ANKRD11: variants seen among roughly 807,000 people sequenced by gnomAD.
ANKRD11 encodes ankyrin repeat domain-containing protein 11.
Under a neutral mutation model 195.7 loss-of-function variants are expected in ANKRD11, and 17 were observed. That is an observed-to-expected ratio of 0.09 (90% CI 0.06 to 0.13). The LOEUF is 0.13. Ranked by LOEUF, ANKRD11 falls within the 10% of genes least tolerant of loss-of-function variation. The pLI, the probability that ANKRD11 is intolerant of heterozygous loss-of-function variation, is 1.00. For synonymous variants in ANKRD11, 1,953 were observed against 1,528.1 expected, an observed-to-expected ratio of 1.28 and a Z score of -6.49; for missense variants, 3,735 against 3,566.1, an observed-to-expected ratio of 1.05 and a Z score of -1.21.
chr16:89,479,390 A>AGGG (rs2057365133), intron 1 of ANKRD11, among the ~76,000 whole-genome samples: 1 of 149,924 alleles, frequency 6.7e-6, no homozygotes, highest in Admixed American at 6.6e-5. Flanking sequence ...CCCAGCACTT[A>AGGG]AGGAGGCCGA....
At chr16:89,355,906 C>A (rs1449692272) in intron 2 of ANKRD11, among the ~76,000 whole-genome samples, 2 of 152,152 alleles carry the variant, frequency 1.3e-5, no homozygotes, top group African/African-American at 4.8e-5. Flanking sequence ...CCCCCCAGCA[C>A]AGCTCGGGAG....
In ANKRD11 at chr16:89,305,230, C is replaced by T; in HGVS notation, c.202G>A (p.Gly68Arg). The T allele has an allele frequency of 6.2e-7, 1 of 1,613,598 alleles. No homozygotes were observed. The highest frequency in any genetic ancestry group is 8.5e-7 in the Non-Finnish European group (1 of 1,179,896). The change falls in exon 4 of 13, where the codon GGG becomes AGG. Residue 68 changes from glycine to arginine, a missense_variant. Transcript: ENST00000301030. ...RKLPFTAGAN[G>R]EQKDSDTEKQ... ...CCTGTGTCCGAGTCCTTCTGCTCCC[C>T]ATTGGCGCCCGCGGTGAAGGGCAGC... is the stretch of plus-strand genomic sequence containing the variant.
intron 2 of ANKRD11, chr16:89,320,277 G>A (rs893551340): frequency 1.3e-5 from 2 of 152,234 alleles, no homozygotes; most frequent in African/African-American, 4.8e-5. Context: ...TCTCACTCCC[G>A]GGGGAGACTC....
At position 89,372,995 on chromosome 16, in the gene ANKRD11, C is replaced by A. The variant is rs1399414928; in HGVS notation, c.-60+45289G>T. 2.0e-5 allele frequency: 3 copies of A among 152,246 alleles called. No individual in the cohort carries two copies. In the East Asian group the frequency reaches 5.8e-4, roughly 29 times the overall value. The allele number at this position is 152,246 out of a possible 1,614,324, so 9.4% of individuals were successfully genotyped here. A position where few individuals can be genotyped will look rare whatever the true frequency, so the allele number is the denominator to read the frequency against. ...ACCTACATACACCCCGAGGAAGGCA[C>A]AGCACCCACAGTACGTGCGTTCACT... On this transcript the variant is annotated intron_variant, in intron 2 of 12. Transcript: ENST00000301030.
chr16:89,418,003 G>A (rs2042373380), intron 2 of ANKRD11, among the ~76,000 whole-genome samples: 1 of 152,178 alleles, frequency 6.6e-6, no homozygotes, highest in African/African-American at 2.4e-5. Context: ...GAGGACAAGA[G>A]GAAATAAACT....
intron 1 of ANKRD11, among the ~76,000 whole-genome samples, chr16:89,425,785 C>T (rs2042693227): frequency 6.6e-6 from 1 of 152,106 alleles, no homozygotes; most frequent in African/African-American, 2.4e-5. Flanking sequence ...GGAATAAAGG[C>T]AACTACGCAA....
intron 2 of ANKRD11, among the ~76,000 whole-genome samples, chr16:89,356,780 C>CA (rs58470031): frequency 0.6 from 61,697 of 103,544 alleles, 16,553 homozygotes; most frequent in Middle Eastern, 0.69. Context: ...GACTCCGTCT[C>CA]AAAAAAAAAA....
At chr16:89,349,934 G>A (rs953489994) in intron 2 of ANKRD11, among the ~76,000 whole-genome samples, 2 of 146,124 alleles carry the variant, frequency 1.4e-5, no homozygotes, top group Admixed American at 1.4e-4. Flanking sequence ...CAAATAGCTG[G>A]TAAAGGACCT....
At chr16:89,489,962 C>A (rs1408685371) in intron 1 of ANKRD11, among the ~76,000 whole-genome samples, 1 of 147,394 alleles carries the variant, frequency 6.8e-6, no homozygotes, top group Non-Finnish European at 1.5e-5. Context: ...CCTCCCAGGC[C>A]CCCCCCGGAG....
intron 7 of ANKRD11, chr16:89,288,237 T>C: frequency 3.3e-6 from 2 of 614,854 alleles, no homozygotes; most frequent in Non-Finnish European, 2.9e-6. Flanking sequence ...CTCCTTCCAC[T>C]TGGTGTAATC....
At position 89,280,412 on chromosome 16, in the gene ANKRD11, C is replaced by T. The variant is rs372141194; in HGVS notation, c.6130G>A (p.Val2044Ile). ...LEDVKDGVDA[V>I]PAAISTSEAA... is the part of the protein sequence containing the mutation. ...TCTGAGGTGGAGATGGCGGCGGGGA[C>T]GGCGTCCACTCCGTCCTTGACGTCC... Residue 2044 changes from valine to isoleucine, a missense_variant, in exon 9 of 13, where the codon GTC (valine) becomes ATC (isoleucine). Physicochemically the swap from Val to Ile is conservative, Grantham distance 29. Coordinates refer to ENST00000301030, the MANE Select transcript of ANKRD11 (RefSeq NM_013275.6). The T allele has an allele frequency of 9.7e-5, 152 of 1,562,604 alleles. No homozygotes were observed. Among genetic ancestry groups the T allele is most frequent in the Non-Finnish European group, 1.2e-4 (138 of 1,154,464 alleles).
intron 2 of ANKRD11, among the ~76,000 whole-genome samples, chr16:89,321,819 C>T (rs190793960): frequency 1.1e-4 from 16 of 152,252 alleles, no homozygotes; most frequent in Admixed American, 7.2e-4. Context: ...TTCACTTACA[C>T]GCAGATTTTC....
At chr16:89,386,483 T>C (rs138378573) in intron 2 of ANKRD11, among the ~76,000 whole-genome samples, 239 of 152,242 alleles carry the variant, frequency 1.6e-3, no homozygotes, top group African/African-American at 5.2e-3. Context: ...CAGTGGAGGA[T>C]AGAACCCGGC....
intron 1 of ANKRD11, among the ~76,000 whole-genome samples, chr16:89,477,574 C>T (rs910077496): frequency 1.7e-4 from 26 of 151,336 alleles, no homozygotes; most frequent in African/African-American, 5.6e-4. Flanking sequence ...CCAGGCTGGT[C>T]GCGAACTCCT....
Position 89,317,226 on chromosome 16 carries a change from A to G in ANKRD11, c.-59-148T>C, listed in dbSNP as rs4785658. On this transcript the variant is annotated intron_variant, in intron 2 of 12. Transcript: ENST00000301030. ...GGGCCCGGGCCAGGCCCAGGAAGGG[A>G]CTTCTCAGGATACGCCTCCCATAAA... 5.1e-3 allele frequency: 3,466 copies of G among 674,210 alleles called. 155 individuals carry two copies. In the Admixed American group the frequency reaches 0.069, roughly 13 times the overall value. The allele number at this position is 674,210 out of a possible 1,614,324, so 41.8% of individuals were successfully genotyped here.
At chr16:89,475,732 TA>T (rs1351924623) in intron 1 of ANKRD11, among the ~76,000 whole-genome samples, 2 of 152,050 alleles carry the variant, frequency 1.3e-5, no homozygotes, top group African/African-American at 2.4e-5. Context: ...CTCCCAAGTT[TA>T]AAGAGGGATA....
In ANKRD11 at chr16:89,281,293, G is replaced by T. The variant is rs2034216859; in HGVS notation, c.5249C>A (p.Thr1750Asn). Residue 1750 changes from threonine to asparagine, a missense_variant, in exon 9 of 13, where the codon ACC becomes AAC. By Grantham distance (65) the Thr-to-Asn change is moderately conservative. Coordinates refer to ENST00000301030, the MANE Select transcript of ANKRD11 (RefSeq NM_013275.6). This position sits in a 1 kb window ranked among gnomAD's most constrained non-coding sequence, Gnocchi z 5.5. ...ADSQHSTPVPTAPTSACSPSF... is the reference protein window; with the variant it reads ...ADSQHSTPVPNAPTSACSPSF... ...GGGGGAGCAGGCGCTGGTGGGAGCG[G>T]TGGGCACGGGCGTGGAGTGCTGCGA... is the stretch of plus-strand genomic sequence containing the variant. The T allele has an allele frequency of 6.2e-7, 1 of 1,614,114 alleles. No individual in the cohort carries two copies. The highest frequency in any genetic ancestry group is 8.5e-7 in the Non-Finnish European group (1 of 1,180,038).
Position 89,279,872 on chromosome 16 carries a change from C to G in ANKRD11, c.6670G>C (p.Glu2224Gln). 1 of 1,574,356 alleles carries G rather than the reference C, an allele frequency of 6.4e-7. No individual in the cohort carries two copies. The highest frequency in any genetic ancestry group is 8.6e-7 in the Non-Finnish European group (1 of 1,161,450). Residue 2224 changes from glutamate to glutamine, a missense_variant, in exon 9 of 13, where the codon GAG (glutamate) becomes CAG (glutamine). By Grantham distance (29) the Glu-to-Gln change is conservative (BLOSUM62 2). Coordinates refer to ENST00000301030, the MANE Select transcript of ANKRD11 (RefSeq NM_013275.6). This position sits in a 1 kb window ranked among gnomAD's most constrained non-coding sequence, Gnocchi z 5.6. ...DVALEAAVEA[E>Q]TVPEERARGD... ...CGGGCCCTCTCTTCCGGCACCGTCT[C>G]CGCCTCCACCGCAGCTTCTAGAGCC...
chr16:89,280,322 C>T lies in ANKRD11; in HGVS notation c.6220G>A (p.Glu2074Lys). ...SFFSNCKSLP[E>K]APLDVAPEPA... ...TCGGGGGCCACGTCCAGCGGGGCTT[C>T]CGGAAGTGACTTGCAGTTGCTGAAG... Residue 2074 changes from glutamate (E) to lysine (K), a missense_variant, in exon 9 of 13, where the codon GAA becomes AAA. Glu to Lys is a moderately conservative substitution (Grantham distance 56). Coordinates refer to ENST00000301030, the MANE Select transcript of ANKRD11 (RefSeq NM_013275.6). 1 of 1,586,074 alleles carries T rather than the reference C, an allele frequency of 6.3e-7. No individual in the cohort carries two copies. Among genetic ancestry groups the T allele is most frequent in the African/African-American group, 1.3e-5 (1 of 74,134 alleles).
Sources: gnomAD v4.1 joint callset for allele counts (sites outside exome capture counted in the v4.1 genomes callset) on GRCh38, gnomAD v4.1.1 for gene constraint, Gnocchi (gnomAD v3.1) non-coding constraint, MANE v1.5 for transcripts, NCBI Gene and HGNC (gene_info 2026-07-23, HGNC 2026-07-21) for gene names.